The following P2RX1 variants were observed in gnomAD, a reference collection of about 807,000 sequenced individuals.
The protein encoded by P2RX1 is purinergic receptor P2X 1, also known as P2X purinoceptor 1.
In P2RX1, 42 loss-of-function variants were observed where a neutral mutation model predicts 50.3. That is an observed-to-expected ratio of 0.83 (90% CI 0.65 to 1.08). The LOEUF is 1.08. P2RX1 is among the 50% of genes least tolerant of loss of function. The pLI is 0.00. For synonymous variants in P2RX1, 199 were observed against 202.6 expected (o/e 0.98, Z 0.15); for missense variants, 449 against 529.0 (o/e 0.85, Z 1.48).
chr17:3,905,498 G>A (rs1474853714), intron 1 of P2RX1, 131 bp from the exon 2 acceptor site: 4 of 1,046,870 alleles, frequency 3.8e-6, no homozygotes, highest in Admixed American at 2.2e-5. Context: ...TTGGGCTAGA[G>A]GCAGGACAGC....
At chr17:3,898,430 G>T in intron 10 of P2RX1, 54 bp downstream of exon 10, 1 of 1,381,670 alleles carries the variant, frequency 7.2e-7, no homozygotes, top group Non-Finnish European at 1.0e-6. Context: ...CTACTGAATT[G>T]TGGAAGAGGA....
rs887612510 is a variant in P2RX1, at chr17:3,903,749, C to G, written c.525-118G>C. On this transcript the variant is annotated intron_variant, in intron 5 of 11. Coordinates refer to ENST00000225538, the MANE Select transcript of P2RX1 (RefSeq NM_002558.4). The surrounding 1 kb of genome is among the most constrained non-coding windows in gnomAD (Gnocchi z 4.6). ...TCCGGGACCCGCCTGCAGCCCTGGG[C>G]TGGTGGAGGGGTGGGTGTGCTCTAG... The G allele has an allele frequency of 8.8e-5, 108 of 1,230,250 alleles. No homozygotes were observed. Among genetic ancestry groups the G allele is most frequent in the Middle Eastern group, 1.9e-4 (1 of 5,266 alleles). 76.2% of individuals were successfully genotyped at this position (1,230,250 alleles called of 1,614,324 possible).
intron 1 of P2RX1, among the ~76,000 whole-genome samples, chr17:3,913,532 A>C (rs922541194): frequency 3.9e-5 from 6 of 152,212 alleles, no homozygotes; most frequent in Admixed American, 3.9e-4. Context: ...CTGGAGGAGC[A>C]TGACTGGCGG....
chr17:3,898,952 G>A lies in P2RX1; in HGVS notation c.948C>T (p.Asp316=), dbSNP rs763946439. Residue 316 remains aspartate (D), a synonymous_variant, in exon 9 of 12, where the codon GAC becomes GAT. Transcript: ENST00000225538. ...CACTCACCTTGCCGTCCACCAGGAT[G>A]TCAAAGCGAATCCCAAACACCTTGA... The part of the protein sequence containing the change: ...HLFKVFGIRF[D]ILVDGKAGKF... The A allele has an allele frequency of 6.2e-7, 1 of 1,613,770 alleles. No individual in the cohort carries two copies. Among genetic ancestry groups the A allele is most frequent in the Non-Finnish European group, 8.5e-7 (1 of 1,179,774 alleles).
At chr17:3,901,375 A>G (rs1246852429) in intron 7 of P2RX1, among the ~76,000 whole-genome samples, 2 of 152,152 alleles carry the variant, frequency 1.3e-5, no homozygotes, top group Non-Finnish European at 2.9e-5. Context: ...CCCTGATGAC[A>G]GGGAGATTTT....
At position 3,907,185 on chromosome 17, in the gene P2RX1, G is replaced by A. The variant is rs753365490; in HGVS notation, c.138-1818C>T. ...GTCCTTCCTTTGTTTAAGCCAGTTCGGATTTGGTTTCTGTTGCTTGCAAAT... is the reference window on the plus strand; with the variant it reads ...GTCCTTCCTTTGTTTAAGCCAGTTCAGATTTGGTTTCTGTTGCTTGCAAAT... On this transcript the variant is annotated intron_variant, in intron 1 of 11. Coordinates refer to ENST00000225538, the MANE Select transcript of P2RX1 (RefSeq NM_002558.4). Among the ~76,000 whole-genome samples, 5 of 152,082 alleles carry A rather than the reference G, an allele frequency of 3.3e-5. No homozygotes were observed. In the South Asian group the frequency reaches 8.3e-4, roughly 25 times the overall value.
intron 1 of P2RX1, among the ~76,000 whole-genome samples, chr17:3,906,755 C>T (rs2056273196): frequency 1.3e-5 from 2 of 152,198 alleles, no homozygotes; most frequent in Admixed American, 1.3e-4. Context: ...CTGGAAGGTT[C>T]CATGAGGCTA....
chr17:3,914,318 T>C lies in P2RX1; in HGVS notation c.137+1771A>G, dbSNP rs1597532523. On this transcript the variant is annotated intron_variant, in intron 1 of 11. Coordinates refer to ENST00000225538, the MANE Select transcript of P2RX1 (RefSeq NM_002558.4). This position sits in a 1 kb window ranked among gnomAD's most constrained non-coding sequence, Gnocchi z 4.1. ...GGGCCACATCCATTTGGAAACTGAT[T>C]AGACAGTCTTGGGAGGGAAGACAGG... Among the ~76,000 whole-genome samples, 1 of 151,128 alleles carries C rather than the reference T, an allele frequency of 6.6e-6. No individual in the cohort carries two copies. Among genetic ancestry groups the C allele is most frequent in the Non-Finnish European group, 1.5e-5 (1 of 67,872 alleles).
rs1272466255 is a variant in P2RX1 at position 3,897,388 on chromosome 17, A to C, written c.*426T>G. On this transcript the variant is annotated 3_prime_UTR_variant, in exon 12 of 12. Transcript: ENST00000225538. Reference sequence around the variant, plus strand: ...TGAAATGTGGCTAGTTCAGCCGAGGAATTGAATTTTGTGTTTCATTCTATT... The same window carrying C: ...TGAAATGTGGCTAGTTCAGCCGAGGCATTGAATTTTGTGTTTCATTCTATT... 1.5e-5 allele frequency: 4 copies of C among 271,688 alleles called. No homozygotes were observed. Among genetic ancestry groups the C allele is most frequent in the Non-Finnish European group, 2.9e-5 (4 of 135,602 alleles). The allele number at this position is 271,688 out of a possible 1,614,324, so 16.8% of individuals were successfully genotyped here.
chr17:3,905,795 C>T (rs559496053), intron 1 of P2RX1, among the ~76,000 whole-genome samples: 2 of 145,566 alleles, frequency 1.4e-5, no homozygotes, highest in South Asian at 2.2e-4. Context: ...TGCAGTGAGC[C>T]GAGATCGCGC....
Position 3,898,563 on chromosome 17 carries a change from C to G in P2RX1, c.967-14G>C. On this transcript the variant is annotated splice_polypyrimidine_tract_variant and intron_variant, in intron 9 of 11. Transcript: ENST00000225538. ...AAACTTCCCGGCCTGGTGGCAGGAC[C>G]CAGGGAGAGAAGGGCTAACCGTCGG... The G allele has an allele frequency of 6.2e-7, 1 of 1,610,026 alleles. No individual in the cohort carries two copies. Among genetic ancestry groups the G allele is most frequent in the South Asian group, 1.1e-5 (1 of 90,992 alleles).
intron 7 of P2RX1, among the ~76,000 whole-genome samples, chr17:3,902,345 G>A (rs1417224636): frequency 6.6e-6 from 1 of 151,640 alleles, no homozygotes; most frequent in Non-Finnish European, 1.5e-5. Flanking sequence ...CGAGTCTGGA[G>A]TGCAGTGGCG....
chr17:3,904,804 A>T, intron 3 of P2RX1, 54 bp downstream of exon 3: 1 of 1,375,878 alleles, frequency 7.3e-7, no homozygotes. Flanking sequence ...CTTTCTCTGC[A>T]CGTCATTTTC....
chr17:3,909,822 G>A (rs574767621), intron 1 of P2RX1, among the ~76,000 whole-genome samples: 56 of 152,190 alleles, frequency 3.7e-4, no homozygotes, highest in Non-Finnish European at 6.5e-4. Context: ...CTCAAATGAC[G>A]ATGGGGCTAT....
intron 1 of P2RX1, among the ~76,000 whole-genome samples, chr17:3,909,077 C>T (rs2144046688): frequency 6.6e-6 from 1 of 152,188 alleles, no homozygotes; most frequent in Non-Finnish European, 1.5e-5. Flanking sequence ...GTTGCCCAGG[C>T]TGGAGTGCGG....
intron 1 of P2RX1, among the ~76,000 whole-genome samples, chr17:3,909,480 A>G (rs1261852484): frequency 2.0e-5 from 3 of 152,152 alleles, no homozygotes; most frequent in Non-Finnish European, 2.9e-5. Context: ...GCTGCCTCAG[A>G]CACGCTGTGT....
At position 3,903,108 on chromosome 17, in the gene P2RX1, C is replaced by A; in HGVS notation, c.747+94G>T. The stretch of plus-strand genomic sequence containing the variant: ...ACCCATACATATACTCAGCCCTCAC[C>A]GAGGAGACTTGGGAAGATGAACTGG... On this transcript the variant is annotated intron_variant, in intron 7 of 11. Transcript: ENST00000225538. This position sits in a 1 kb window ranked among gnomAD's most constrained non-coding sequence, Gnocchi z 4.6. The A allele has an allele frequency of 6.4e-7, 1 of 1,560,758 alleles. No individual in the cohort carries two copies. Among genetic ancestry groups the A allele is most frequent in the South Asian group, 1.1e-5 (1 of 88,414 alleles).
chr17:3,904,571 G>A (rs879577125), intron 3 of P2RX1, 172 bp from the exon 4 acceptor site: 56 of 685,738 alleles, frequency 8.2e-5, no homozygotes, highest in Non-Finnish European at 1.3e-4. Flanking sequence ...CTGCTCTGCC[G>A]AGGCGCCCCC....
chr17:3,902,023 T>C (rs2056157796), intron 7 of P2RX1, among the ~76,000 whole-genome samples: 1 of 152,226 alleles, frequency 6.6e-6, no homozygotes, highest in African/African-American at 2.4e-5. Flanking sequence ...AGTTCTGCGC[T>C]CATAGGGACT....
Sources: allele counts gnomAD v4.1 joint callset (sites outside exome capture counted in the v4.1 genomes callset), GRCh38; gene constraint gnomAD v4.1.1; non-coding constraint Gnocchi (gnomAD v3.1); transcripts MANE v1.5; gene names NCBI Gene and HGNC (gene_info 2026-07-23, HGNC 2026-07-21).